Variants in DNAH6 observed in about 807,000 individuals in gnomAD.
DNAH6 encodes dynein axonemal heavy chain 6.
A neutral mutation model predicts 491.4 loss-of-function variants in DNAH6; 340 were observed. The observed-to-expected ratio is 0.69, with a 90% CI of 0.63 to 0.76. The LOEUF is 0.76. Among genes scored for constraint, DNAH6 ranks in the 30% least tolerant of loss-of-function variants. DNAH6 has a pLI of 0.00. For synonymous variants in DNAH6, 1,603 were observed against 1,686.1 expected (o/e 0.95, Z 1.21); for missense variants, 4,443 against 4,972.2 (o/e 0.89, Z 3.20).
chr2:84,784,036 G>C (rs888854886), intron 65 of DNAH6, among the ~76,000 whole-genome samples: 2 of 152,212 alleles, frequency 1.3e-5, no homozygotes, highest in African/African-American at 4.8e-5. Flanking sequence ...TAGCATGTTT[G>C]AGAAACAGCA....
At chr2:84,756,580 CTTTAATAAGAT>C (rs1674048880) in intron 63 of DNAH6, among the ~76,000 whole-genome samples, 1 of 152,168 alleles carries the variant, frequency 6.6e-6, no homozygotes, top group Non-Finnish European at 1.5e-5. Flanking sequence ...TACACTATAG[CTTTAATAAGAT>C]TTGTCACTAG....
intron 63 of DNAH6, among the ~76,000 whole-genome samples, chr2:84,748,286 T>C (rs1438969719): frequency 6.6e-6 from 1 of 152,222 alleles, no homozygotes; most frequent in African/African-American, 2.4e-5. Context: ...CCCTTTTAAT[T>C]ATAAGTCGCA....
intron 75 of DNAH6, among the ~76,000 whole-genome samples, chr2:84,815,045 T>G (rs1680355597): frequency 6.6e-6 from 1 of 152,216 alleles, no homozygotes; most frequent in African/African-American, 2.4e-5. Context: ...GAAAAGGTGC[T>G]CCCTCTGGGT....
intron 29 of DNAH6, among the ~76,000 whole-genome samples, chr2:84,628,174 G>T (rs1688056574): frequency 6.6e-6 from 1 of 152,184 alleles, no homozygotes; most frequent in Non-Finnish European, 1.5e-5. Context: ...ATTCATACAG[G>T]CATGGATGGC....
chr2:84,629,348 T>C (rs1360415083), intron 29 of DNAH6, among the ~76,000 whole-genome samples: 1 of 152,208 alleles, frequency 6.6e-6, no homozygotes, highest in African/African-American at 2.4e-5. Flanking sequence ...TCTTCCGTGA[T>C]TGTGGTAATT....
chr2:84,561,173 C>T (rs1235748791), intron 11 of DNAH6, among the ~76,000 whole-genome samples: 1 of 152,092 alleles, frequency 6.6e-6, no homozygotes, highest in Non-Finnish European at 1.5e-5. Flanking sequence ...CAGCATGGTA[C>T]TGGTACCAAA....
chr2:84,487,876 G>C, the DNAH6 span, among the ~76,000 whole-genome samples: 1 of 152,106 alleles, frequency 6.6e-6, no homozygotes, highest in Non-Finnish European at 1.5e-5. Flanking sequence ...CCCTGTCTAT[G>C]GGGATAACTG....
At chr2:84,715,046 ATTTG>A (rs999735995) in intron 57 of DNAH6, among the ~76,000 whole-genome samples, 1 of 150,762 alleles carries the variant, frequency 6.6e-6, no homozygotes, top group African/African-American at 2.5e-5. Flanking sequence ...ATAAAACTTT[ATTTG>A]TTTATCAATA....
At chr2:84,745,628 T>C (rs1282521358) in intron 63 of DNAH6, among the ~76,000 whole-genome samples, 1 of 144,688 alleles carries the variant, frequency 6.9e-6, no homozygotes, top group Admixed American at 7.1e-5. Context: ...ATCGCGCCAC[T>C]GCACTCCAGC....
intron 35 of DNAH6, among the ~76,000 whole-genome samples, chr2:84,657,905 A>G (rs1691131304): frequency 6.6e-6 from 1 of 151,960 alleles, no homozygotes; most frequent in Non-Finnish European, 1.5e-5. Flanking sequence ...TTTGGAAATT[A>G]TTTTTCTACC....
intron 68 of DNAH6, among the ~76,000 whole-genome samples, chr2:84,793,270 G>A (rs561626957): frequency 6.6e-6 from 1 of 152,232 alleles, no homozygotes; most frequent in African/African-American, 2.4e-5. Flanking sequence ...GAAGACCAAA[G>A]CCAGAAGACT....
Position 84,548,322 on chromosome 2 carries a change from T to C in DNAH6, c.1221T>C (p.Ile407=). 6.2e-7 allele frequency: 1 copy of C among 1,613,922 alleles called. No homozygotes were observed. Among genetic ancestry groups the C allele is most frequent in the Non-Finnish European group, 8.5e-7 (1 of 1,179,876 alleles). ...AAGTGCAGAGCAGTGGAAGTTTCAT[T>C]AATACACCACATGAGTTGCCCACTT... ...YHKVQSSGSF[I]NTPHELPTYG... Residue 407 remains isoleucine, a synonymous_variant, in exon 8 of 77, where the codon ATT becomes ATC. Coordinates refer to ENST00000389394, the MANE Select transcript of DNAH6 (RefSeq NM_001370.2).
At chr2:84,606,871 T>C in intron 20 of DNAH6, 105 bp from the exon 21 acceptor site, 1 of 1,195,686 alleles carries the variant, frequency 8.4e-7, no homozygotes, top group Non-Finnish European at 1.2e-6. Context: ...AGCTATTAAT[T>C]CAAAGAGTTG....
At chr2:84,813,947 G>A (rs1251214254) in intron 74 of DNAH6, 24 bp from the exon 75 acceptor site, 1 of 1,551,294 alleles carries the variant, frequency 6.4e-7, no homozygotes. Context: ...TTTGAACGCA[G>A]CTTTCCGATT....
chr2:84,722,784 TC>T lies in DNAH6; in HGVS notation c.9953del (p.Ser3318TyrfsTer2). 1 of 1,500,272 alleles carries T rather than the reference TC, an allele frequency of 6.7e-7. No individual in the cohort carries two copies. The highest frequency in any genetic ancestry group is 8.9e-7 in the Non-Finnish European group (1 of 1,127,132). The allele number at this position is 1,500,272 out of a possible 1,614,324, so 92.9% of individuals were successfully genotyped here. A position where few individuals can be genotyped will look rare whatever the true frequency, so the allele number is the denominator to read the frequency against. ...AGAAATAGATCCTATGTACCAGTAC[TC>T]ATTAAAATACTTTAAACAGGTAAGT... ...LSEIDPMYQY[S>X]LKYFKQLFNT... On this transcript the variant is annotated frameshift_variant, in exon 60 of 77. Transcript: ENST00000389394. LOFTEE classifies it high-confidence loss of function.
rs1406769715 is a variant in DNAH6, at chr2:84,654,647, T to G, written c.5635-13T>G. ...ATATTAGCTGTTTCCTGTTCAATTTTCTTCAACTTTAGGTGCAAGATCTGC... is the reference window on the plus strand; with the variant it reads ...ATATTAGCTGTTTCCTGTTCAATTTGCTTCAACTTTAGGTGCAAGATCTGC... On this transcript the variant is annotated splice_polypyrimidine_tract_variant and intron_variant, in intron 34 of 76. Transcript: ENST00000389394. 2 of 1,550,428 alleles carry G rather than the reference T, an allele frequency of 1.3e-6. No homozygotes were observed. Among genetic ancestry groups the G allele is most frequent in the East Asian group, 2.4e-5 (1 of 40,906 alleles).
chr2:84,745,681 A>AAG (rs1553484741), intron 63 of DNAH6, among the ~76,000 whole-genome samples: 52 of 150,538 alleles, frequency 3.5e-4, no homozygotes, highest in Non-Finnish European at 5.3e-4. Context: ...AAAAAAAAAA[A>AAG]AAAGAAACAT....
chr2:84,471,683 A>G, the DNAH6 span, among the ~76,000 whole-genome samples: 2 of 152,170 alleles, frequency 1.3e-5, no homozygotes, highest in African/African-American at 4.8e-5. Flanking sequence ...CCATGGTCGT[A>G]CACATCTTGA....
rs141114724 is a variant in DNAH6 at position 84,661,514 on chromosome 2, T to C, written c.6084+2345T>C. ...CCTTGGATATAAGGTCCACAAAGAG[T>C]TAACAAATGAAAATTTGAAAGAATA... On this transcript the variant is annotated intron_variant, in intron 37 of 76. Coordinates refer to ENST00000389394, the MANE Select transcript of DNAH6 (RefSeq NM_001370.2). Among the ~76,000 whole-genome samples, 3 of 152,082 alleles carry C rather than the reference T, an allele frequency of 2.0e-5. No individual in the cohort carries two copies. In the East Asian group the frequency reaches 5.8e-4, roughly 29 times the overall value.
Sources: gnomAD v4.1 joint callset for allele counts (sites outside exome capture counted in the v4.1 genomes callset) on GRCh38, gnomAD v4.1.1 for gene constraint, MANE v1.5 for transcripts, NCBI Gene and HGNC (gene_info 2026-07-23, HGNC 2026-07-21) for gene names.